Variants in CNTNAP2 observed in about 807,000 individuals in gnomAD.
CNTNAP2 encodes contactin associated protein 2, also known as contactin-associated protein-like 2.
Under a neutral mutation model 155.2 loss-of-function variants are expected in CNTNAP2, and 98 were observed. The observed-to-expected ratio is 0.63, with a 90% CI of 0.54 to 0.75. The LOEUF is 0.75. Ranked by LOEUF, CNTNAP2 falls within the 30% of genes least tolerant of loss-of-function variation. CNTNAP2 has a pLI of 0.00. For synonymous variants in CNTNAP2, 651 were observed against 631.2 expected, an observed-to-expected ratio of 1.03 and a Z score of -0.47; for missense variants, 1,727 against 1,688.1, an observed-to-expected ratio of 1.02 and a Z score of -0.40.
In CNTNAP2 at chr7:147,227,692, G is replaced by A. The variant is rs73740601; in HGVS notation, c.1349-72449G>A. Among the ~76,000 whole-genome samples the A allele has an allele frequency of 7.7e-3, 1,171 of 152,240 alleles. 15 individuals are homozygous for A. Among genetic ancestry groups the A allele is most frequent in the African/African-American group, 0.027 (1,118 of 41,554 alleles). The stretch of plus-strand genomic sequence containing the variant: ...ATTGAGATGGCAAAGGTTACATACA[G>A]CCTGCTTTTGGGTTCAGTATCAGGA... On this transcript the variant is annotated intron_variant, in intron 8 of 23. Transcript: ENST00000361727.
intron 3 of CNTNAP2, among the ~76,000 whole-genome samples, chr7:147,004,244 A>G (rs1400394801): frequency 6.6e-6 from 1 of 150,582 alleles, no homozygotes; most frequent in Non-Finnish European, 1.5e-5. Flanking sequence ...GAAAAACGGT[A>G]ACAAAAATAA....
At chr7:147,695,954 T>C (rs935747174) in intron 13 of CNTNAP2, among the ~76,000 whole-genome samples, 3 of 152,240 alleles carry the variant, frequency 2.0e-5, no homozygotes, top group Non-Finnish European at 4.4e-5. Context: ...ACAAATTTTC[T>C]TGCTGTGAAA....
chr7:147,188,073 A>G (rs980299273), intron 8 of CNTNAP2, among the ~76,000 whole-genome samples: 1 of 152,148 alleles, frequency 6.6e-6, no homozygotes, highest in African/African-American at 2.4e-5. Context: ...ATAAATAAAT[A>G]AATAAAATGA....
chr7:147,290,273 T>C (rs1805274035), intron 8 of CNTNAP2, among the ~76,000 whole-genome samples: 2 of 152,214 alleles, frequency 1.3e-5, no homozygotes, highest in Non-Finnish European at 1.5e-5. Context: ...AACAAACACA[T>C]ATTTTTTATG....
intron 5 of CNTNAP2, among the ~76,000 whole-genome samples, chr7:147,113,943 G>C (rs114129765): frequency 0.04 from 6,006 of 152,002 alleles, 191 homozygotes; most frequent in South Asian, 0.16. Context: ...TGTTTGATGT[G>C]GGCATTTAGG....
At chr7:146,879,118 G>C (rs112439589) in intron 3 of CNTNAP2, among the ~76,000 whole-genome samples, 1 of 152,148 alleles carries the variant, frequency 6.6e-6, no homozygotes. Context: ...TTCATAGGTT[G>C]ACTGAGGCAG....
At chr7:147,348,734 G>T (rs1795921074) in intron 9 of CNTNAP2, among the ~76,000 whole-genome samples, 1 of 151,998 alleles carries the variant, frequency 6.6e-6, no homozygotes, top group Non-Finnish European at 1.5e-5. Context: ...CCAAGACATG[G>T]AATCAACCCA....
intron 1 of CNTNAP2, among the ~76,000 whole-genome samples, chr7:146,248,287 C>A (rs1484498463): frequency 2.6e-5 from 4 of 151,856 alleles, no homozygotes; most frequent in Admixed American, 1.3e-4. Context: ...GTTTCTTGCC[C>A]CCCAGAAAGG....
intron 14 of CNTNAP2, among the ~76,000 whole-genome samples, chr7:147,929,265 G>C (rs2116795666): frequency 6.6e-6 from 1 of 152,166 alleles, no homozygotes; most frequent in Middle Eastern, 3.4e-3. Flanking sequence ...ATTTTAGAAA[G>C]GGATAGAAGA....
At chr7:148,062,526 T>C (rs1803177183) in intron 15 of CNTNAP2, among the ~76,000 whole-genome samples, 1 of 152,114 alleles carries the variant, frequency 6.6e-6, no homozygotes, top group Non-Finnish European at 1.5e-5. Flanking sequence ...ACCAATATAA[T>C]TTAAAAACTT....
chr7:146,891,735 G>A (rs1434352888), intron 3 of CNTNAP2, among the ~76,000 whole-genome samples: 2 of 152,150 alleles, frequency 1.3e-5, no homozygotes, highest in African/African-American at 4.8e-5. Context: ...ATACGTGGTG[G>A]TAATCAATCA....
chr7:147,726,831 G>A (rs766010589), intron 13 of CNTNAP2, among the ~76,000 whole-genome samples: 13 of 151,712 alleles, frequency 8.6e-5, no homozygotes, highest in African/African-American at 1.2e-4. Flanking sequence ...ATTGAAAATC[G>A]GTCAGACTTG....
At chr7:147,844,982 C>G (rs1450958498) in intron 13 of CNTNAP2, among the ~76,000 whole-genome samples, 5,569 of 142,348 alleles carry the variant, frequency 0.039, 326 homozygotes, top group African/African-American at 0.14. Flanking sequence ...TGATGTGCTG[C>G]TGGATTCGGT....
intron 10 of CNTNAP2, among the ~76,000 whole-genome samples, chr7:147,404,280 TGAAA>T (rs1418390089): frequency 2.0e-5 from 3 of 152,216 alleles, no homozygotes; most frequent in Non-Finnish European, 2.9e-5. Flanking sequence ...AAGCTAATTC[TGAAA>T]GAACTTGAGC....
At chr7:147,330,621 G>C (rs1324816646) in intron 9 of CNTNAP2, among the ~76,000 whole-genome samples, 1 of 152,148 alleles carries the variant, frequency 6.6e-6, no homozygotes, top group African/African-American at 2.4e-5. Context: ...TAACCAGTTG[G>C]TGTGTAGAAA....
chr7:146,274,958 A>G (rs866749085), intron 1 of CNTNAP2, among the ~76,000 whole-genome samples: 58 of 152,266 alleles, frequency 3.8e-4, no homozygotes, highest in African/African-American at 1.3e-3. Context: ...TTCACCTGGG[A>G]CACCTGTTAT....
intron 8 of CNTNAP2, among the ~76,000 whole-genome samples, chr7:147,225,547 A>G (rs1169971575): frequency 6.6e-6 from 1 of 152,250 alleles, no homozygotes; most frequent in East Asian, 1.9e-4. Context: ...TCTATGCTAC[A>G]TTTTATCATG....
At chr7:147,682,989 G>A (rs1367240050) in intron 13 of CNTNAP2, among the ~76,000 whole-genome samples, 2 of 151,764 alleles carry the variant, frequency 1.3e-5, no homozygotes, top group Non-Finnish European at 2.9e-5. Flanking sequence ...ACACGATGAA[G>A]GAATTAGGAA....
chr7:147,224,788 A>G lies in CNTNAP2; in HGVS notation c.1349-75353A>G, dbSNP rs59176788. On this transcript the variant is annotated intron_variant, in intron 8 of 23. Transcript: ENST00000361727. ...GTTTCCCCCCTCTCTATATATACAC[A>G]TATACACACACATAAACACACATAT... 8.8e-3 allele frequency among the ~76,000 whole-genome samples: 1,342 copies of G among 152,252 alleles called. 19 individuals are homozygous for G. Among genetic ancestry groups the G allele is most frequent in the African/African-American group, 0.031 (1,297 of 41,538 alleles).
Sources: allele counts gnomAD v4.1 joint callset (sites outside exome capture counted in the v4.1 genomes callset), GRCh38; gene constraint gnomAD v4.1.1; transcripts MANE v1.5; gene names NCBI Gene and HGNC (gene_info 2026-07-23, HGNC 2026-07-21).